Variants in TRAM2 observed in about 807,000 individuals in gnomAD.
TRAM2 encodes translocation associated membrane protein 2.
In TRAM2, 12 loss-of-function variants were observed where a neutral mutation model predicts 51.0. The observed-to-expected ratio is 0.24, with a 90% CI of 0.15 to 0.38. The LOEUF (loss-of-function observed/expected upper bound fraction) is 0.38. Among genes scored for constraint, TRAM2 ranks in the 10% least tolerant of loss-of-function variants. The probability of loss-of-function intolerance (pLI) is 1.00; values close to 1 mark genes in which losing one functional copy is unlikely to be tolerated. For synonymous variants in TRAM2, 175 were observed against 179.4 expected (o/e 0.98, Z 0.20); for missense variants, 361 against 462.0 (o/e 0.78, Z 2.00).
chr6:52,572,432 C>T (rs983084739), intron 1 of TRAM2, among the ~76,000 whole-genome samples: 9 of 152,132 alleles, frequency 5.9e-5, no homozygotes, highest in East Asian at 3.9e-4. Flanking sequence ...GGTGAAACCC[C>T]GTCTCTACTA....
At chr6:52,528,210 G>A (rs1246885552) in intron 2 of TRAM2, among the ~76,000 whole-genome samples, 3 of 152,072 alleles carry the variant, frequency 2.0e-5, no homozygotes, top group African/African-American at 4.8e-5. Context: ...GCATCCTTGG[G>A]AGCACCAATC....
intron 3 of TRAM2, 171 bp from the exon 4 acceptor site, chr6:52,516,293 T>G: frequency 1.6e-6 from 1 of 640,646 alleles, no homozygotes; most frequent in South Asian, 1.9e-5. Flanking sequence ...GTGCTTGGTC[T>G]AAGGCAAGCA....
chr6:52,501,291 T>G lies in TRAM2; in HGVS notation c.*1906A>C, dbSNP rs1304821220. On this transcript the variant is annotated 3_prime_UTR_variant, in exon 11 of 11. Transcript: ENST00000182527. ...TCTGCAACCTTATCGTAGAGAGGGA[T>G]GAAGGCCTCCAATGGCGTTAGGAAA... 3 of 152,334 alleles carry G rather than the reference T, an allele frequency of 2.0e-5. No individual in the cohort carries two copies. In the East Asian group the frequency reaches 5.8e-4, roughly 29 times the overall value. 9.4% of individuals were successfully genotyped at this position (152,334 alleles called of 1,614,324 possible).
chr6:52,522,576 A>C (rs1457280873), intron 2 of TRAM2, among the ~76,000 whole-genome samples: 1 of 152,212 alleles, frequency 6.6e-6, no homozygotes, highest in African/African-American at 2.4e-5. Context: ...CCAATACTCT[A>C]TGAGCCTTCT....
chr6:52,504,256 C>A (rs1026596006), intron 10 of TRAM2, among the ~76,000 whole-genome samples: 1 of 152,210 alleles, frequency 6.6e-6, no homozygotes, highest in South Asian at 2.1e-4. Context: ...TGAGAATGGG[C>A]GGCGGCGGCA....
intron 1 of TRAM2, among the ~76,000 whole-genome samples, chr6:52,542,262 G>T (rs56388095): frequency 0.56 from 82,009 of 146,492 alleles, 23,534 homozygotes; most frequent in East Asian, 0.86. Context: ...AGATTTTTGG[G>T]TTTTTTTTTT....
chr6:52,542,771 T>C (rs913032487), intron 1 of TRAM2, among the ~76,000 whole-genome samples: 5 of 152,230 alleles, frequency 3.3e-5, no homozygotes, highest in Non-Finnish European at 5.9e-5. Flanking sequence ...AAAATTATAT[T>C]ACTTGGTTTG....
chr6:52,508,183 G>C (rs774145259), intron 6 of TRAM2, 51 bp downstream of exon 6: 2 of 1,544,336 alleles, frequency 1.3e-6, no homozygotes, highest in Non-Finnish European at 1.8e-6. Flanking sequence ...AATAGCAGGA[G>C]GGGAGTGGTC....
At chr6:52,537,374 T>C (rs893275056) in intron 1 of TRAM2, among the ~76,000 whole-genome samples, 1 of 152,232 alleles carries the variant, frequency 6.6e-6, no homozygotes, top group Non-Finnish European at 1.5e-5. Flanking sequence ...GCCTGTATTT[T>C]CTTTAGAACA....
chr6:52,543,969 G>A (rs1377821414), intron 1 of TRAM2, among the ~76,000 whole-genome samples: 1 of 152,216 alleles, frequency 6.6e-6, no homozygotes, highest in Non-Finnish European at 1.5e-5. Flanking sequence ...TTGGCAGACA[G>A]TGACCTGCTG....
intron 2 of TRAM2, among the ~76,000 whole-genome samples, chr6:52,529,232 G>C (rs920749981): frequency 3.3e-5 from 5 of 152,124 alleles, no homozygotes; most frequent in Non-Finnish European, 7.4e-5. Context: ...TATAGCACCA[G>C]CTGGAAACCA....
rs1304952977 is a variant in TRAM2, at chr6:52,504,645, G to A, written c.985C>T (p.Arg329Trp). The part of the protein sequence containing the change: ...REYWNEQSAK[R>W]RVPATPRLPA... The stretch of plus-strand genomic sequence containing the variant: ...AGTCTGGGTGTGGCTGGGACTCTCC[G>A]CTTTGCACTCTGCTCATTCCAGTAT... The change falls in exon 10 of 11, where the codon CGG becomes TGG. Residue 329 changes from arginine (R) to tryptophan (W), a missense_variant. By Grantham distance (101) the Arg-to-Trp change is moderately radical. Transcript: ENST00000182527. 10 of 1,613,808 alleles carry A rather than the reference G, an allele frequency of 6.2e-6. No individual in the cohort carries two copies. The highest frequency in any genetic ancestry group is 1.1e-5 in the South Asian group (1 of 91,068).
At chr6:52,572,802 G>A (rs1235669131) in intron 1 of TRAM2, among the ~76,000 whole-genome samples, 1 of 152,182 alleles carries the variant, frequency 6.6e-6, no homozygotes, top group Non-Finnish European at 1.5e-5. Context: ...AGCAGGTGGT[G>A]ACACAATGGG....
chr6:52,529,226 G>A (rs975413924), intron 2 of TRAM2, among the ~76,000 whole-genome samples: 1 of 152,104 alleles, frequency 6.6e-6, no homozygotes, highest in Non-Finnish European at 1.5e-5. Flanking sequence ...AAGCTGTATA[G>A]CACCAGCTGG....
intron 1 of TRAM2, among the ~76,000 whole-genome samples, chr6:52,553,840 T>TAAATGTAG (rs1369927760): frequency 3.9e-5 from 6 of 152,334 alleles, no homozygotes; most frequent in African/African-American, 1.4e-4. Context: ...GCCTAGCACA[T>TAAATGTAG]CACAGGTATT....
chr6:52,543,295 C>T (rs1410294007), intron 1 of TRAM2, among the ~76,000 whole-genome samples: 1 of 152,200 alleles, frequency 6.6e-6, no homozygotes, highest in East Asian at 1.9e-4. Flanking sequence ...GCATAGCATA[C>T]TCATAAACCA....
intron 1 of TRAM2, among the ~76,000 whole-genome samples, chr6:52,575,215 C>T (rs540855304): frequency 1.3e-5 from 2 of 152,126 alleles, no homozygotes; most frequent in African/African-American, 2.4e-5. Flanking sequence ...CACCCTGTGA[C>T]GAAGACCAGT....
intron 4 of TRAM2, among the ~76,000 whole-genome samples, chr6:52,511,543 ACTGGGATTAAAG>A (rs1382054019): frequency 1.3e-5 from 2 of 152,202 alleles, no homozygotes; most frequent in Non-Finnish European, 2.9e-5. Context: ...AGATGTTCAC[ACTGGGATTAAAG>A]GCAGAGGTTT....
rs1374592609 is a variant in TRAM2 at position 52,502,261 on chromosome 6, T to C, written c.*936A>G. On this transcript the variant is annotated 3_prime_UTR_variant, in exon 11 of 11. Transcript: ENST00000182527. ...AGGACCAGCCTATCTCAGGCAGGTA[T>C]ATGAACTGCTGTTTGGTTTGGTTTT... 2 of 152,286 alleles carry C rather than the reference T, an allele frequency of 1.3e-5. No homozygotes were observed. Among genetic ancestry groups the C allele is most frequent in the African/African-American group, 2.4e-5 (1 of 41,468 alleles). The allele number at this position is 152,286 out of a possible 1,614,324, so 9.4% of individuals were successfully genotyped here.
Sources: allele counts gnomAD v4.1 joint callset (sites outside exome capture counted in the v4.1 genomes callset), GRCh38; gene constraint gnomAD v4.1.1; transcripts MANE v1.5; gene names NCBI Gene and HGNC (gene_info 2026-07-23, HGNC 2026-07-21).